Variants in NLGN1 observed in about 807,000 individuals in gnomAD.
The protein encoded by NLGN1 is neuroligin 1.
A neutral mutation model predicts 65.5 loss-of-function variants in NLGN1; 12 were observed. The observed-to-expected ratio is 0.18, with a 90% confidence interval of 0.12 to 0.30. NLGN1 has a LOEUF of 0.30. Ranked by LOEUF, NLGN1 falls within the 10% of genes least tolerant of loss-of-function variation. The pLI is 1.00. For synonymous variants in NLGN1, 350 were observed against 359.5 expected, an observed-to-expected ratio of 0.97 and a Z score of 0.30; for missense variants, 750 against 1,007.1, an observed-to-expected ratio of 0.74 and a Z score of 3.46.
chr3:174,091,730 C>T (rs1744560931), intron 4 of NLGN1, among the ~76,000 whole-genome samples: 1 of 152,068 alleles, frequency 6.6e-6, no homozygotes, highest in South Asian at 2.1e-4. Flanking sequence ...ATTTAAGATA[C>T]TGTAAAACTT....
chr3:174,167,597 T>C (rs199989500), intron 4 of NLGN1, among the ~76,000 whole-genome samples: 11 of 150,440 alleles, frequency 7.3e-5, no homozygotes, highest in African/African-American at 1.5e-4. Flanking sequence ...TGCCCCCTTT[T>C]TTTTTTTTTT....
At chr3:173,747,269 C>A (rs991533929) in intron 3 of NLGN1, among the ~76,000 whole-genome samples, 37 of 132,024 alleles carry the variant, frequency 2.8e-4, no homozygotes, top group Admixed American at 6.6e-4. Context: ...ATATATATAT[C>A]TTTAAGTATA....
At chr3:174,141,664 TAG>T (rs1722299049) in intron 4 of NLGN1, among the ~76,000 whole-genome samples, 1 of 152,194 alleles carries the variant, frequency 6.6e-6, no homozygotes, top group South Asian at 2.1e-4. Flanking sequence ...TACTAATTGC[TAG>T]AGAGTCTCCT....
chr3:173,788,852 A>G (rs1578437277), intron 3 of NLGN1, among the ~76,000 whole-genome samples: 2 of 140,092 alleles, frequency 1.4e-5, no homozygotes, highest in East Asian at 4.3e-4. Flanking sequence ...AAAAAAAAAA[A>G]AAAAAAAAAA....
chr3:173,925,028 T>C (rs1463756041), intron 4 of NLGN1, among the ~76,000 whole-genome samples: 1 of 152,166 alleles, frequency 6.6e-6, no homozygotes, highest in Non-Finnish European at 1.5e-5. Flanking sequence ...TTGATATTCT[T>C]TCTAAAAGTT....
At chr3:173,493,658 G>T (rs1318816842) in intron 2 of NLGN1, among the ~76,000 whole-genome samples, 4 of 151,772 alleles carry the variant, frequency 2.6e-5, no homozygotes, top group African/African-American at 9.7e-5. Context: ...TTACAGATGA[G>T]AAAATTGAGG....
At chr3:173,490,233 C>A (rs1728885588) in intron 2 of NLGN1, among the ~76,000 whole-genome samples, 1 of 152,154 alleles carries the variant, frequency 6.6e-6, no homozygotes, top group Non-Finnish European at 1.5e-5. Flanking sequence ...TTAGGTCTAA[C>A]ATTTAAGCCT....
intron 3 of NLGN1, among the ~76,000 whole-genome samples, chr3:173,651,421 A>T (rs1222443973): frequency 6.6e-6 from 1 of 152,010 alleles, no homozygotes; most frequent in African/African-American, 2.4e-5. Context: ...GTTGTGATAA[A>T]CATAAGAGAG....
chr3:174,107,015 CACAGAGAGAG>C (rs1406984388), intron 4 of NLGN1, among the ~76,000 whole-genome samples: 51 of 65,476 alleles, frequency 7.8e-4, no homozygotes, highest in African/African-American at 2.4e-3. Context: ...CACACACACA[CACAGAGAGAG>C]AGAGAGAGAG....
chr3:173,398,469 C>G (rs914894452), exon 1 of NLGN1: 1 of 152,182 alleles, frequency 6.6e-6, no homozygotes, highest in African/African-American at 2.4e-5. Context: ...GACTCCTGCC[C>G]GCCTCAACAC....
intron 3 of NLGN1, chr3:173,685,676 T>C (rs1764580113): frequency 1.0e-6 from 1 of 985,234 alleles, no homozygotes; most frequent in Admixed American, 6.2e-5. Flanking sequence ...AGCTATGTCA[T>C]GTAAGGACTC....
At chr3:174,161,457 G>A (rs61193104) in intron 4 of NLGN1, among the ~76,000 whole-genome samples, 4 of 151,876 alleles carry the variant, frequency 2.6e-5, no homozygotes, top group African/African-American at 9.6e-5. Flanking sequence ...TTTAGTTTAC[G>A]TCTTGCTGCT....
chr3:173,887,918 C>T (rs1734660942), intron 4 of NLGN1, among the ~76,000 whole-genome samples: 1 of 151,842 alleles, frequency 6.6e-6, no homozygotes, highest in East Asian at 1.9e-4. Flanking sequence ...AATATGGATC[C>T]TTTTCAAGAA....
At chr3:173,561,129 T>G (rs1197919012) in intron 2 of NLGN1, among the ~76,000 whole-genome samples, 2 of 152,198 alleles carry the variant, frequency 1.3e-5, no homozygotes, top group East Asian at 3.8e-4. Flanking sequence ...GCATAAGATT[T>G]CTGACACTGC....
chr3:173,736,947 G>A (rs1231253266), intron 3 of NLGN1, among the ~76,000 whole-genome samples: 1 of 151,952 alleles, frequency 6.6e-6, no homozygotes, highest in African/African-American at 2.4e-5. Flanking sequence ...TTTTAATGGT[G>A]GCAGTAAATC....
chr3:173,865,887 C>A (rs901463838), intron 4 of NLGN1, among the ~76,000 whole-genome samples: 5 of 151,972 alleles, frequency 3.3e-5, no homozygotes, highest in African/African-American at 1.2e-4. Context: ...AAACATAAGC[C>A]CCTTCCTTCA....
At chr3:174,257,798 A>T (rs1746073425) in intron 4 of NLGN1, among the ~76,000 whole-genome samples, 1 of 151,436 alleles carries the variant, frequency 6.6e-6, no homozygotes, top group African/African-American at 2.4e-5. Context: ...ATATGCAAAA[A>T]TCAAAACGCA....
intron 3 of NLGN1, among the ~76,000 whole-genome samples, chr3:173,754,024 C>CTTTTTTTTT (rs71162358): frequency 1.2e-4 from 15 of 121,614 alleles, no homozygotes; most frequent in South Asian, 2.6e-4. Flanking sequence ...TCTTTCTTTT[C>CTTTTTTTTT]TTTTTTTTTT....
intron 3 of NLGN1, among the ~76,000 whole-genome samples, chr3:173,683,123 A>G (rs1271836094): frequency 2.6e-5 from 4 of 152,200 alleles, no homozygotes; most frequent in Admixed American, 2.6e-4. Context: ...ATTTAGTATT[A>G]AAATGCAGCT....
Sources: gnomAD v4.1 joint callset for allele counts (sites outside exome capture counted in the v4.1 genomes callset) on GRCh38, gnomAD v4.1.1 for gene constraint, MANE v1.5 for transcripts, NCBI Gene and HGNC (gene_info 2026-07-23, HGNC 2026-07-21) for gene names.